PRKG1: variants seen among roughly 807,000 people sequenced by gnomAD.
PRKG1 encodes the protein protein kinase cGMP-dependent 1, also known as cGMP-dependent protein kinase 1.
PRKG1 carries 35 observed loss-of-function variants against 88.1 expected under a neutral mutation model. The observed-to-expected ratio is 0.40, with a 90% CI of 0.30 to 0.53. The LOEUF (loss-of-function observed/expected upper bound fraction) is 0.53. Ranked by LOEUF, PRKG1 falls within the 20% of genes least tolerant of loss-of-function variation. The pLI is 0.59. For missense variants in PRKG1, 540 were observed against 839.8 expected, an observed-to-expected ratio of 0.64 and a Z score of 4.41; for synonymous variants, 303 against 292.5, an observed-to-expected ratio of 1.04 and a Z score of -0.37.
chr10:51,960,519 A>C (rs541731400), intron 5 of PRKG1, among the ~76,000 whole-genome samples: 20 of 149,860 alleles, frequency 1.3e-4, no homozygotes, highest in African/African-American at 4.9e-4. Flanking sequence ...ACCCCCCACC[A>C]AAAATAACCG....
At chr10:52,067,979 C>G (rs1349455971) in intron 7 of PRKG1, among the ~76,000 whole-genome samples, 1 of 105,184 alleles carries the variant, frequency 9.5e-6, no homozygotes, top group Non-Finnish European at 2.4e-5. Flanking sequence ...CCGAGACGGG[C>G]GGATCACGAG....
chr10:51,561,137 G>T (rs1401147639), intron 3 of PRKG1, among the ~76,000 whole-genome samples: 1 of 151,820 alleles, frequency 6.6e-6, no homozygotes, highest in African/African-American at 2.4e-5. Context: ...AAATTAGCTG[G>T]GTGTGGTAGC....
intron 1 of PRKG1, among the ~76,000 whole-genome samples, chr10:51,067,974 A>G (rs969967878): frequency 1.3e-5 from 2 of 152,050 alleles, no homozygotes; most frequent in African/African-American, 4.8e-5. Flanking sequence ...GAATTACTGA[A>G]TCTTCTCTAA....
At chr10:51,932,322 G>A (rs759361540) in intron 5 of PRKG1, among the ~76,000 whole-genome samples, 20 of 151,450 alleles carry the variant, frequency 1.3e-4, no homozygotes, top group Non-Finnish European at 1.0e-4. Flanking sequence ...ATTGAGAAAC[G>A]GTTCAGTATT....
chr10:51,630,962 G>A (rs939944498), intron 3 of PRKG1, among the ~76,000 whole-genome samples: 1 of 152,074 alleles, frequency 6.6e-6, no homozygotes. Context: ...TTTTTCTATT[G>A]AAAAACTCCA....
At chr10:52,075,301 A>G (rs1021302793) in intron 7 of PRKG1, among the ~76,000 whole-genome samples, 2 of 152,242 alleles carry the variant, frequency 1.3e-5, no homozygotes, top group East Asian at 3.8e-4. Context: ...ACGTTGTAAG[A>G]CGCAGTATTA....
chr10:52,164,364 G>GTAAGTAAA (rs143852357), intron 9 of PRKG1, among the ~76,000 whole-genome samples: 6 of 148,898 alleles, frequency 4.0e-5, no homozygotes, highest in African/African-American at 1.5e-4. Flanking sequence ...AAATAAGTAA[G>GTAAGTAAA]TAAATAAATA....
chr10:50,996,819 C>T (rs558610359), intron 1 of PRKG1, among the ~76,000 whole-genome samples: 3 of 152,310 alleles, frequency 2.0e-5, no homozygotes, highest in South Asian at 2.1e-4. Context: ...AAGATATTAA[C>T]CTGTTACCTC....
At chr10:51,312,182 T>C (rs1841206001) in intron 2 of PRKG1, among the ~76,000 whole-genome samples, 1 of 152,132 alleles carries the variant, frequency 6.6e-6, no homozygotes, top group Non-Finnish European at 1.5e-5. Flanking sequence ...CTTCCTGATA[T>C]CTTCTAAGTC....
intron 9 of PRKG1, among the ~76,000 whole-genome samples, chr10:52,178,125 G>C (rs1337316685): frequency 6.6e-6 from 1 of 151,546 alleles, no homozygotes; most frequent in East Asian, 1.9e-4. Flanking sequence ...TTTTGATATA[G>C]GCATTTCTTG....
intron 11 of PRKG1, 24 bp downstream of exon 11, chr10:52,271,513 G>C: frequency 6.2e-7 from 1 of 1,604,124 alleles, no homozygotes; most frequent in Non-Finnish European, 8.5e-7. Flanking sequence ...GCCAGGGACA[G>C]ACGTACCCAA....
chr10:52,268,269 T>TAA lies in PRKG1; in HGVS notation c.1174-3080_1174-3079dup, dbSNP rs1398239304. Among the ~76,000 whole-genome samples, 3 of 152,244 alleles carry TAA rather than the reference T, an allele frequency of 2.0e-5. No individual in the cohort carries two copies. In the East Asian group the frequency reaches 5.8e-4, roughly 29 times the overall value. ...GCAGTATAGTTCTATAAACTTTTTGTAATTAATGCTTTTTAAATTGGCAAC... is the reference window on the plus strand; with the variant it reads ...GCAGTATAGTTCTATAAACTTTTTGTAAAATTAATGCTTTTTAAATTGGCAAC... On this transcript the variant is annotated intron_variant, in intron 10 of 17. Coordinates refer to ENST00000373980, the MANE Select transcript of PRKG1 (RefSeq NM_006258.4).
At chr10:51,803,618 C>T (rs1462984145) in intron 3 of PRKG1, among the ~76,000 whole-genome samples, 1 of 152,080 alleles carries the variant, frequency 6.6e-6, no homozygotes, top group Non-Finnish European at 1.5e-5. Context: ...GAGAAAATTG[C>T]GCTCTTCTGT....
intron 2 of PRKG1, among the ~76,000 whole-genome samples, chr10:51,356,330 C>A (rs1057487209): frequency 6.6e-6 from 1 of 151,930 alleles, no homozygotes; most frequent in African/African-American, 2.4e-5. Flanking sequence ...GTATATGTAG[C>A]CCATGCTCAG....
At chr10:51,394,681 G>A (rs1006707038) in intron 2 of PRKG1, among the ~76,000 whole-genome samples, 1 of 152,146 alleles carries the variant, frequency 6.6e-6, no homozygotes, top group African/African-American at 2.4e-5. Context: ...TATTCAGTAA[G>A]GATTTATTTC....
At chr10:51,723,663 C>T (rs935434145) in intron 3 of PRKG1, among the ~76,000 whole-genome samples, 9 of 151,796 alleles carry the variant, frequency 5.9e-5, no homozygotes, top group Non-Finnish European at 1.3e-4. Context: ...AATCCCAAGA[C>T]AAAATCCCAA....
chr10:52,231,835 T>G (rs533781741), intron 9 of PRKG1, among the ~76,000 whole-genome samples: 1 of 152,294 alleles, frequency 6.6e-6, no homozygotes, highest in East Asian at 1.9e-4. Context: ...CTCTAGAAAT[T>G]AACAATAACA....
At chr10:52,054,617 T>TAACC in intron 6 of PRKG1, 56 bp downstream of exon 6, 1 of 1,442,532 alleles carries the variant, frequency 6.9e-7, no homozygotes, top group Non-Finnish European at 9.8e-7. Flanking sequence ...GGTTGGTTAG[T>TAACC]AACTCCAGTA....
rs1181738888 is a variant in PRKG1 at position 51,670,735 on chromosome 10, C to CA, written c.593-133841dup. Among the ~76,000 whole-genome samples, 55 of 116,706 alleles carry CA rather than the reference C, an allele frequency of 4.7e-4. 2 individuals carry two copies. The highest frequency in any genetic ancestry group is 1.2e-3 in the African/African-American group (38 of 31,252). 76.6% of individuals were successfully genotyped at this position (116,706 alleles called of 152,430 possible). A position where few individuals can be genotyped will look rare whatever the true frequency, so the allele number is the denominator to read the frequency against. On this transcript the variant is annotated intron_variant, in intron 3 of 17. Transcript: ENST00000373980. ...TGGGCGACAGAGCGAGACTCCGTCT[C>CA]AAAAAAAAATAAATAAATAAATAAA...
Sources: gnomAD v4.1 joint callset for allele counts (sites outside exome capture counted in the v4.1 genomes callset) on GRCh38, gnomAD v4.1.1 for gene constraint, MANE v1.5 for transcripts, NCBI Gene and HGNC (gene_info 2026-07-23, HGNC 2026-07-21) for gene names.